The following PHEX variants were observed in gnomAD, a reference collection of about 807,000 sequenced individuals.
PHEX encodes phosphate regulating endopeptidase X-linked, also known as phosphate-regulating neutral endopeptidase PHEX.
A neutral mutation model predicts 68.0 loss-of-function variants in PHEX; 16 were observed. The ratio of observed to expected loss-of-function variants is 0.24; its 90% CI spans 0.16 to 0.36. PHEX has a LOEUF of 0.36. Ranked by LOEUF, PHEX falls within the 10% of genes least tolerant of loss-of-function variation. PHEX has a pLI of 1.00. For missense variants in PHEX, 480 were observed against 575.5 expected (o/e 0.83, Z 1.70); for synonymous variants, 208 against 205.1 (o/e 1.01, Z -0.12).
At chrX:22,173,775 A>T (rs1465396105) in intron 13 of PHEX, among the ~76,000 whole-genome samples, 1 of 111,409 alleles carries the variant, frequency 9.0e-6, no homozygotes, top group African/African-American at 3.3e-5. Context: ...ATCTCTGAGT[A>T]TCTTTAAATG....
chrX:22,097,058 A>G lies in PHEX; in HGVS notation c.933+20A>G. The stretch of plus-strand genomic sequence containing the variant: ...CCCCAGGTTGGTGAAAACTATCCAG[A>G]AAACTTTCTCTCAACTCATCATTTT... On this transcript the variant is annotated intron_variant, in intron 8 of 21. Coordinates refer to ENST00000379374, the MANE Select transcript of PHEX (RefSeq NM_000444.6). 5.5e-6 allele frequency: 6 copies of G among 1,088,774 alleles called. No individual in the cohort carries two copies. The highest frequency in any genetic ancestry group is 7.7e-6 in the Non-Finnish European group (6 of 782,898). The allele number at this position is 1,088,774 out of a possible 1,213,427, so 89.7% of individuals were successfully genotyped here. A position where few individuals can be genotyped will look rare whatever the true frequency, so the allele number is the denominator to read the frequency against.
At chrX:22,217,056 A>G (rs926808660) in intron 16 of PHEX, among the ~76,000 whole-genome samples, 2 of 111,643 alleles carry the variant, frequency 1.8e-5, no homozygotes, top group African/African-American at 6.5e-5. Flanking sequence ...CTTAAAGGAC[A>G]TTTATTGCAC....
intron 5 of PHEX, among the ~76,000 whole-genome samples, chrX:22,084,687 A>T (rs1423875820): frequency 9.1e-6 from 1 of 109,564 alleles, no homozygotes; most frequent in Non-Finnish European, 1.9e-5. Context: ...GCTACTAGGT[A>T]TTAGTTTGTT....
At chrX:22,240,218 C>G (rs1362748976) in intron 20 of PHEX, among the ~76,000 whole-genome samples, 1 of 112,219 alleles carries the variant, frequency 8.9e-6, no homozygotes, top group East Asian at 2.8e-4. Flanking sequence ...CCAGGCCTGC[C>G]TTACAAGAGC....
chrX:22,068,804 C>T (rs926915754), intron 3 of PHEX, among the ~76,000 whole-genome samples: 2 of 111,747 alleles, frequency 1.8e-5, no homozygotes, highest in Non-Finnish European at 3.8e-5. Flanking sequence ...TAAACATACA[C>T]GGCTTTTTCC....
At chrX:22,214,516 A>C (rs1935023932) in intron 16 of PHEX, among the ~76,000 whole-genome samples, 1 of 112,244 alleles carries the variant, frequency 8.9e-6, no homozygotes, top group South Asian at 3.7e-4. Flanking sequence ...ACCATGGGCA[A>C]CTGGAGCTCA....
chrX:22,215,921 A>G (rs920246422), intron 16 of PHEX, among the ~76,000 whole-genome samples: 3 of 111,814 alleles, frequency 2.7e-5, no homozygotes, highest in African/African-American at 9.7e-5. Flanking sequence ...AGGTGGTAGA[A>G]CGACTTATTA....
intron 18 of PHEX, among the ~76,000 whole-genome samples, chrX:22,224,947 A>AATTATCATACAGCGCTGGATGGTTT (rs1935400851): frequency 4.3e-5 from 1 of 23,247 alleles, no homozygotes; most frequent in Non-Finnish European, 7.9e-5. Flanking sequence ...AAATAACATA[A>AATTATCATACAGCGCTGGATGGTTT]ATTATCATAC....
chrX:22,249,024 T>C lies in PHEX; in HGVS notation c.*1071T>C, dbSNP rs1451764253. ...ACCTCTCTTTAAAAAAAAAACATTT[T>C]TGAAAAATTTCTTGACTGATGACAT... On this transcript the variant is annotated 3_prime_UTR_variant, in exon 22 of 22. Transcript: ENST00000379374. 1.8e-5 allele frequency: 2 copies of C among 110,946 alleles called. No homozygotes were observed. Among genetic ancestry groups the C allele is most frequent in the African/African-American group, 6.6e-5 (2 of 30,442 alleles). The allele number at this position is 110,946 out of a possible 1,213,427, so 9.1% of individuals were successfully genotyped here. A position where few individuals can be genotyped will look rare whatever the true frequency, so the allele number is the denominator to read the frequency against.
intron 5 of PHEX, among the ~76,000 whole-genome samples, chrX:22,089,285 G>C (rs1173684102): frequency 8.9e-6 from 1 of 112,651 alleles, no homozygotes; most frequent in Non-Finnish European, 1.9e-5. Flanking sequence ...GCCTCCCAAA[G>C]TGCTGGGATT....
At chrX:22,232,985 A>C (rs5951734) in intron 20 of PHEX, among the ~76,000 whole-genome samples, 57,357 of 109,559 alleles carry the variant, frequency 0.52, 12,497 homozygotes, top group African/African-American at 0.82. Context: ...TCTTGTAAGG[A>C]AGGCCTGGTG....
chrX:22,081,370 A>G (rs1929386958), intron 5 of PHEX, among the ~76,000 whole-genome samples: 1 of 111,703 alleles, frequency 9.0e-6, no homozygotes, highest in African/African-American at 3.3e-5. Context: ...TCCTCTGCTC[A>G]TGAGAATTCT....
chrX:22,228,002 T>C (rs1335152440), intron 20 of PHEX, among the ~76,000 whole-genome samples: 1 of 111,687 alleles, frequency 9.0e-6, no homozygotes, highest in Non-Finnish European at 1.9e-5. Flanking sequence ...GCTGACTTTA[T>C]GCCACCACTC....
intron 6 of PHEX, among the ~76,000 whole-genome samples, chrX:22,092,006 AC>A (rs1316650800): frequency 9.0e-6 from 1 of 111,283 alleles, no homozygotes; most frequent in Non-Finnish European, 1.9e-5. Context: ...ACCTGGCCCT[AC>A]CCTTGACATG....
At chrX:22,037,784 A>T (rs2146978827) in intron 1 of PHEX, among the ~76,000 whole-genome samples, 1 of 110,859 alleles carries the variant, frequency 9.0e-6, no homozygotes, top group South Asian at 3.8e-4. Context: ...GGTGATTGAG[A>T]TATGTTCAGT....
At chrX:22,223,662 T>A (rs1245421019) in intron 18 of PHEX, among the ~76,000 whole-genome samples, 1 of 92,829 alleles carries the variant, frequency 1.1e-5, no homozygotes, top group Non-Finnish European at 2.3e-5. Flanking sequence ...GGTGGAAGAA[T>A]TGTTGGAACC....
chrX:22,200,576 TC>T (rs1934517119), intron 15 of PHEX, among the ~76,000 whole-genome samples: 1 of 110,052 alleles, frequency 9.1e-6, no homozygotes, highest in South Asian at 4.0e-4. Context: ...GCCACTGTAC[TC>T]CAGTCTGGGT....
chrX:22,208,847 T>C (rs1188933575), intron 15 of PHEX, among the ~76,000 whole-genome samples: 2 of 112,265 alleles, frequency 1.8e-5, no homozygotes, highest in African/African-American at 6.5e-5. Context: ...TGCAAAAGTA[T>C]GTAATAAAAG....
intron 14 of PHEX, among the ~76,000 whole-genome samples, chrX:22,189,135 C>T (rs1359414846): frequency 8.9e-6 from 1 of 112,702 alleles, no homozygotes; most frequent in African/African-American, 3.2e-5. Flanking sequence ...CTGAATAGTA[C>T]TCCATTGTGT....
Sources: allele counts gnomAD v4.1 joint callset (sites outside exome capture counted in the v4.1 genomes callset), GRCh38; gene constraint gnomAD v4.1.1; transcripts MANE v1.5; gene names NCBI Gene and HGNC (gene_info 2026-07-23, HGNC 2026-07-21).